The following EPB41L1 variants were observed in gnomAD, a reference collection of about 807,000 sequenced individuals.
The protein encoded by EPB41L1 is band 4.1-like protein 1.
Under a neutral mutation model 97.8 loss-of-function variants are expected in EPB41L1, and 29 were observed. The observed-to-expected ratio is 0.30, with a 90% CI of 0.22 to 0.40. The LOEUF (loss-of-function observed/expected upper bound fraction) is 0.40, where lower values mean the gene tolerates loss of function less well. Among genes scored for constraint, EPB41L1 ranks in the 10% least tolerant of loss-of-function variants. The pLI is 1.00. For synonymous variants in EPB41L1, 383 were observed against 459.2 expected (o/e 0.83, Z 2.12); for missense variants, 812 against 1,162.3 (o/e 0.70, Z 4.38).
At chr20:36,194,421 A>C in intron 12 of EPB41L1, 61 bp downstream of exon 12, 1 of 1,554,594 alleles carries the variant, frequency 6.4e-7, no homozygotes, top group Non-Finnish European at 8.7e-7. Context: ...CCTGAGGTCT[A>C]GCCTCGGCCT....
At chr20:36,169,778 C>T (rs1201293040) in intron 1 of EPB41L1, among the ~76,000 whole-genome samples, 1 of 152,234 alleles carries the variant, frequency 6.6e-6, no homozygotes, top group African/African-American at 2.4e-5. Context: ...CCTTTGGGAA[C>T]TCTAGGCTAT....
intron 1 of EPB41L1, among the ~76,000 whole-genome samples, chr20:36,108,319 T>C (rs2058269451): frequency 6.6e-6 from 1 of 152,048 alleles, no homozygotes; most frequent in African/African-American, 2.4e-5. Flanking sequence ...GAGATAGATA[T>C]ATTGGGTTAA....
intron 2 of EPB41L1, among the ~76,000 whole-genome samples, chr20:36,119,185 G>A (rs1349396995): frequency 6.6e-6 from 1 of 152,242 alleles, no homozygotes; most frequent in Non-Finnish European, 1.5e-5. Context: ...AGTACTGAAG[G>A]GAGGTGGGCT....
intron 1 of EPB41L1, chr20:36,155,652 C>T (rs1358023202): frequency 4.4e-6 from 2 of 456,258 alleles, no homozygotes; most frequent in Non-Finnish European, 8.8e-6. Context: ...TCCATGGAGA[C>T]CTTGAAGTCT....
upstream of EPB41L1, chr20:36,153,150 AAT>A (rs2060124997): frequency 2.2e-6 from 1 of 455,250 alleles, no homozygotes; most frequent in East Asian, 7.0e-5. Context: ...AAAGGGACGC[AAT>A]TGTATCTTGA....
intron 14 of EPB41L1, among the ~76,000 whole-genome samples, chr20:36,208,964 C>T (rs1207068847): frequency 1.3e-5 from 2 of 152,312 alleles, no homozygotes; most frequent in South Asian, 2.1e-4. Flanking sequence ...ACCCCTCCCC[C>T]GGAGACTCAG....
At chr20:36,186,332 G>A (rs999772286) in intron 7 of EPB41L1, among the ~76,000 whole-genome samples, 76 of 152,178 alleles carry the variant, frequency 5.0e-4, no homozygotes, top group Non-Finnish European at 1.0e-3. Context: ...ACTGTAAAGT[G>A]CGGCACCCAG....
Position 36,206,865 on chromosome 20 carries a change from A to G in EPB41L1, c.1669-2623A>G, listed in dbSNP as rs190266508. 5 of 1,289,872 alleles carry G rather than the reference A, an allele frequency of 3.9e-6. No individual in the cohort carries two copies. Among genetic ancestry groups the G allele is most frequent in the South Asian group, 3.7e-5 (3 of 81,036 alleles). 79.9% of individuals were successfully genotyped at this position (1,289,872 alleles called of 1,614,324 possible). On this transcript the variant is annotated intron_variant, in intron 14 of 21. Transcript: ENST00000338074. This position sits in a 1 kb window ranked among gnomAD's most constrained non-coding sequence, Gnocchi z 5.5. Reference sequence around the variant, plus strand: ...AGGCTGAGGAAAGTCCCACAGAGGAACTGAAGAAGCACCCTCCTCACAGAG... The same window carrying G: ...AGGCTGAGGAAAGTCCCACAGAGGAGCTGAAGAAGCACCCTCCTCACAGAG...
intron 2 of EPB41L1, among the ~76,000 whole-genome samples, chr20:36,112,753 C>T (rs1323924748): frequency 6.6e-6 from 1 of 152,202 alleles, no homozygotes; most frequent in Admixed American, 6.5e-5. Flanking sequence ...TCCATGCCAC[C>T]GTGGCTGGTG....
intron 2 of EPB41L1, among the ~76,000 whole-genome samples, chr20:36,119,937 C>T (rs959238481): frequency 3.9e-5 from 6 of 152,126 alleles, no homozygotes; most frequent in African/African-American, 1.4e-4. Flanking sequence ...GCTGGTCACA[C>T]GGTGAGCCTG....
chr20:36,102,611 C>T (rs1215730497), intron 1 of EPB41L1, among the ~76,000 whole-genome samples: 1 of 152,170 alleles, frequency 6.6e-6, no homozygotes. Flanking sequence ...AGTCAGGTCT[C>T]CTGCTGCCCA....
chr20:36,158,146 G>A (rs960116581), intron 1 of EPB41L1, among the ~76,000 whole-genome samples: 1 of 152,146 alleles, frequency 6.6e-6, no homozygotes, highest in African/African-American at 2.4e-5. Flanking sequence ...CTGTGGGGGA[G>A]TCAGGATTCA....
At chr20:36,115,657 C>T (rs572588300) in intron 2 of EPB41L1, among the ~76,000 whole-genome samples, 1 of 152,048 alleles carries the variant, frequency 6.6e-6, no homozygotes, top group Non-Finnish European at 1.5e-5. Flanking sequence ...TTTGGGAGGC[C>T]GAGGCAGGTG....
chr20:36,117,423 TCTTTC>T (rs72495433), intron 2 of EPB41L1, among the ~76,000 whole-genome samples: 7,704 of 152,154 alleles, frequency 0.051, 619 homozygotes, highest in African/African-American at 0.17. Flanking sequence ...ACAGAAGAAT[TCTTTC>T]ATAATTCTTC....
At chr20:36,202,021 G>A (rs2062523786) in intron 14 of EPB41L1, among the ~76,000 whole-genome samples, 1 of 152,174 alleles carries the variant, frequency 6.6e-6, no homozygotes, top group African/African-American at 2.4e-5. Context: ...TCTACTCTAT[G>A]AATTTTTCCT....
chr20:36,178,509 C>A, intron 4 of EPB41L1, 121 bp from the exon 5 acceptor site: 2 of 1,006,724 alleles, frequency 2.0e-6, no homozygotes, highest in South Asian at 1.3e-5. Context: ...AGAGGCTTAG[C>A]CAAGGAAGGG....
intron 2 of EPB41L1, among the ~76,000 whole-genome samples, chr20:36,140,784 C>G (rs2059607894): frequency 6.6e-6 from 1 of 152,158 alleles, no homozygotes; most frequent in Non-Finnish European, 1.5e-5. Flanking sequence ...TCTTCCCCTG[C>G]CCCTGCCGTG....
At chr20:36,126,386 G>A (rs1247263920) in intron 2 of EPB41L1, among the ~76,000 whole-genome samples, 4 of 140,210 alleles carry the variant, frequency 2.9e-5, no homozygotes, top group Admixed American at 7.2e-5. Flanking sequence ...TTTTTTTTGA[G>A]ACAGAGTTTC....
In EPB41L1 at chr20:36,177,972, G is replaced by A; in HGVS notation, c.363G>A (p.Val121=). ...CEVEKHGRGQ[V]LFDLVCEHLN... ...CTTAGAAACATGGCCGGGGCCAGGT[G>A]CTGTTTGACCTGGTCTGTGAACACC... is the stretch of plus-strand genomic sequence containing the variant. The change falls in exon 4 of 22, where the codon GTG becomes GTA. Residue 121 remains valine, a synonymous_variant. Transcript: ENST00000338074. 1 of 1,614,148 alleles carries A rather than the reference G, an allele frequency of 6.2e-7. No homozygotes were observed. Among genetic ancestry groups the A allele is most frequent in the South Asian group, 1.1e-5 (1 of 91,084 alleles).
Sources: allele counts gnomAD v4.1 joint callset (sites outside exome capture counted in the v4.1 genomes callset), GRCh38; gene constraint gnomAD v4.1.1; non-coding constraint Gnocchi (gnomAD v3.1); transcripts MANE v1.5; gene names NCBI Gene and HGNC (gene_info 2026-07-23, HGNC 2026-07-21).